The following CDC20B variants were observed in gnomAD, a reference collection of about 807,000 sequenced individuals.
CDC20B encodes the protein cell division cycle 20B, also known as cell division cycle protein 20 homolog B.
A neutral mutation model predicts 64.1 loss-of-function variants in CDC20B; 58 were observed. That is an observed-to-expected ratio of 0.90 (90% CI 0.73 to 1.13). The LOEUF (loss-of-function observed/expected upper bound fraction) is 1.13. CDC20B is among the 50% of genes most tolerant of loss of function. The probability of loss-of-function intolerance (pLI) is 0.00; values close to 1 mark genes in which losing one functional copy is unlikely to be tolerated. For synonymous variants in CDC20B, 243 were observed against 230.6 expected (o/e 1.05, Z -0.49); for missense variants, 597 against 633.0 (o/e 0.94, Z 0.61).
At chr5:55,148,445 G>A (rs754920635) in intron 2 of CDC20B, among the ~76,000 whole-genome samples, 23 of 152,192 alleles carry the variant, frequency 1.5e-4, no homozygotes, top group Non-Finnish European at 1.8e-4. Flanking sequence ...CGGCCGTGGC[G>A]GCTCATGCTT....
chr5:55,155,042 G>A (rs112921377), intron 2 of CDC20B, among the ~76,000 whole-genome samples: 151 of 152,174 alleles, frequency 9.9e-4, no homozygotes, highest in East Asian at 5.8e-4. Flanking sequence ...AATGCCTGTC[G>A]CATAGTTTTG....
At chr5:55,115,702 G>A (rs141701152) in intron 11 of CDC20B, among the ~76,000 whole-genome samples, 96 of 152,294 alleles carry the variant, frequency 6.3e-4, no homozygotes, top group African/African-American at 2.1e-3. Context: ...TACTGCCTAC[G>A]ACTCAATTGA....
chr5:55,156,896 A>AT (rs1743824485), intron 2 of CDC20B, among the ~76,000 whole-genome samples: 1 of 152,168 alleles, frequency 6.6e-6, no homozygotes, highest in Non-Finnish European at 1.5e-5. Flanking sequence ...TAATAAATAA[A>AT]AAAATAAGTC....
chr5:55,127,554 T>G (rs984110974), intron 7 of CDC20B, among the ~76,000 whole-genome samples: 12 of 152,160 alleles, frequency 7.9e-5, no homozygotes, highest in Non-Finnish European at 1.2e-4. Context: ...GCTGATTTAG[T>G]TGGTAGAGTA....
rs1169642481 is a variant in CDC20B, at chr5:55,137,179, A to G, written c.580+3135T>C. On this transcript the variant is annotated intron_variant, in intron 5 of 11. Transcript: ENST00000381375. ...GCAACAGAGCGAGACTCTGTCTCAA[A>G]AAAAAAAAAAAAAAAGAAAGAAAGC... 21 of 136,844 alleles carry G rather than the reference A, an allele frequency of 1.5e-4. 1 individual carries two copies. The highest frequency in any genetic ancestry group is 3.6e-3 in the Middle Eastern group (1 of 276). 8.5% of individuals were successfully genotyped at this position (136,844 alleles called of 1,614,324 possible).
chr5:55,158,885 C>A (rs1192262899), intron 2 of CDC20B, among the ~76,000 whole-genome samples: 2 of 152,162 alleles, frequency 1.3e-5, no homozygotes, highest in East Asian at 3.8e-4. Context: ...AAAAACGAAG[C>A]AATTAGATGA....
chr5:55,127,437 T>C, intron 7 of CDC20B, 86 bp from the exon 8 acceptor site: 2 of 1,029,380 alleles, frequency 1.9e-6, no homozygotes, highest in Non-Finnish European at 3.0e-6. Flanking sequence ...CAATTACTGC[T>C]GATATTGTTA....
intron 9 of CDC20B, among the ~76,000 whole-genome samples, chr5:55,123,351 A>C (rs761579404): frequency 6.6e-6 from 1 of 152,154 alleles, no homozygotes; most frequent in Non-Finnish European, 1.5e-5. Context: ...CCCTGAGCCC[A>C]TGGGCCCCAG....
Position 55,143,538 on chromosome 5 carries a change from T to A in CDC20B, c.461A>T (p.Lys154Ile). Residue 154 changes from lysine (K) to isoleucine (I), a missense_variant, in exon 4 of 12, where the codon AAA (lysine) becomes ATA (isoleucine). Physicochemically the swap from Lys to Ile is moderately radical, Grantham distance 102. Transcript: ENST00000381375. ...CTGCCCTTTTGAGGCAACACTTTCTTTCCAGTCTCTGTCCATTGCATGAGG... is the reference window on the plus strand; with the variant it reads ...CTGCCCTTTTGAGGCAACACTTTCTATCCAGTCTCTGTCCATTGCATGAGG... ...KAPHAMDRDW[K>I]ESVASKGQKC... The A allele has an allele frequency of 6.2e-7, 1 of 1,605,388 alleles. No homozygotes were observed. The highest frequency in any genetic ancestry group is 8.5e-7 in the Non-Finnish European group (1 of 1,175,832).
At chr5:55,172,534 C>T in intron 2 of CDC20B, 54 bp downstream of exon 2, 1 of 1,333,194 alleles carries the variant, frequency 7.5e-7, no homozygotes, top group Non-Finnish European at 1.1e-6. Flanking sequence ...ACCAAGAATT[C>T]GTTTGTTCAA....
chr5:55,120,454 T>C lies in CDC20B; in HGVS notation c.1312A>G (p.Ser438Gly), dbSNP rs531828662. 3 of 1,613,858 alleles carry C rather than the reference T, an allele frequency of 1.9e-6. No individual in the cohort carries two copies. In the African/African-American group the frequency reaches 4.0e-5, roughly 22 times the overall value. The change falls in exon 10 of 12, where the codon AGC becomes GGC. Residue 438 changes from serine (S) to glycine (G), a missense_variant. Coordinates refer to ENST00000381375, the MANE Select transcript of CDC20B (RefSeq NM_001170402.1). ...GAGTTTGTGCTTGGGGTCTGGATGC[T>C]CTTCCCAGCATTTATATCCAAGATG... ...LHILDINAGK[S>G]IQTPSTNSQI...
Position 55,128,555 on chromosome 5 carries a change from A to G in CDC20B, c.760T>C (p.Tyr254His), listed in dbSNP as rs759936222. 4 of 1,607,060 alleles carry G rather than the reference A, an allele frequency of 2.5e-6. No individual in the cohort carries two copies. Among genetic ancestry groups the G allele is most frequent in the Non-Finnish European group, 3.4e-6 (4 of 1,178,544 alleles). ...LVAIALGSAVYIWNGENHNGI... is the reference protein window; with the variant it reads ...LVAIALGSAVHIWNGENHNGI... ...TTGTGGTTCTCCCCATTCCAGATGT[A>G]TACAGCAGAGCCCAGGGCTATGGCA... Residue 254 changes from tyrosine (Y) to histidine (H), a missense_variant, in exon 7 of 12, where the codon TAC becomes CAC. This residue lies in a region of CDC20B where 353 missense variants were observed against 397.0 expected (regional missense o/e 0.89). Transcript: ENST00000381375.
At chr5:55,164,390 G>T in intron 2 of CDC20B, 1 of 398,546 alleles carries the variant, frequency 2.5e-6, no homozygotes, top group Non-Finnish European at 4.4e-6. Context: ...TATTAAATGT[G>T]GCAATGAAGG....
In CDC20B at chr5:55,146,772, T is replaced by C. The variant is rs1425492316; in HGVS notation, c.211A>G (p.Ser71Gly). 6.2e-7 allele frequency: 1 copy of C among 1,614,056 alleles called. No homozygotes were observed. Among genetic ancestry groups the C allele is most frequent in the African/African-American group, 1.3e-5 (1 of 74,920 alleles). Residue 71 changes from serine (S) to glycine (G), a missense_variant, in exon 3 of 12, where the codon AGC (serine) becomes GGC (glycine). By Grantham distance (56) the Ser-to-Gly change is moderately conservative. Around this residue, in one of 3 missense-constraint regions of CDC20B, gnomAD observed 241 missense variants for 219.2 expected, o/e 1.10. Coordinates refer to ENST00000381375, the MANE Select transcript of CDC20B (RefSeq NM_001170402.1). ...RLSAEVPVAS[S>G]PITTRWQQSQ... ...TGCTGCCACCTTGTGGTAATGGGGC[T>C]ACTCGCAACAGGAACCTCTGCGGAC...
At chr5:55,130,176 T>C (rs1218287686) in intron 6 of CDC20B, among the ~76,000 whole-genome samples, 1 of 152,074 alleles carries the variant, frequency 6.6e-6, no homozygotes, top group African/African-American at 2.4e-5. Context: ...AACAAAGCTC[T>C]AAAATGGAAA....
chr5:55,124,157 G>A (rs955840431), intron 9 of CDC20B, among the ~76,000 whole-genome samples: 1 of 152,162 alleles, frequency 6.6e-6, no homozygotes. Context: ...GTGGAGCATT[G>A]ATCTAATTCC....
chr5:55,126,477 A>AAAAAAAAAAAAAAAAAC (rs1742896897), intron 8 of CDC20B: 1 of 298,072 alleles, frequency 3.4e-6, no homozygotes, highest in African/African-American at 2.3e-5. Context: ...AAAAAAAAAA[A>AAAAAAAAAAAAAAAAAC]AAAAAAAAAA....
At chr5:55,115,895 C>T (rs1274162225) in intron 11 of CDC20B, among the ~76,000 whole-genome samples, 1 of 152,126 alleles carries the variant, frequency 6.6e-6, no homozygotes, top group Non-Finnish European at 1.5e-5. Flanking sequence ...CACACACACG[C>T]ACACACACAC....
In CDC20B at chr5:55,152,433, T is replaced by C. The variant is rs1172413289; in HGVS notation, c.127-5577A>G. Among the ~76,000 whole-genome samples, 5 of 151,982 alleles carry C rather than the reference T, an allele frequency of 3.3e-5. No homozygotes were observed. The East Asian group carries it at 9.6e-4, about 29-fold the overall frequency. ...CCTGGGATATATGAATCGGAGGGAG[T>C]GTCTATTTTAGTTTCATCACAACCC... On this transcript the variant is annotated intron_variant, in intron 2 of 11. Transcript: ENST00000381375.
Sources: gnomAD v4.1 joint callset for allele counts (sites outside exome capture counted in the v4.1 genomes callset) on GRCh38, gnomAD v4.1.1 for gene constraint, gnomAD v4.1.1 regional missense constraint, MANE v1.5 for transcripts, NCBI Gene and HGNC (gene_info 2026-07-23, HGNC 2026-07-21) for gene names.